Variants in NRG1 observed in about 807,000 individuals in gnomAD.
NRG1 encodes the protein pro-neuregulin-1, membrane-bound isoform.
NRG1 carries 18 observed loss-of-function variants against 63.8 expected under a neutral mutation model. That is an observed-to-expected ratio of 0.28 (90% CI 0.19 to 0.42). The LOEUF (loss-of-function observed/expected upper bound fraction) is 0.42, where lower values mean the gene tolerates loss of function less well. NRG1 is among the 10% of genes least tolerant of loss of function. The pLI, the probability that NRG1 is intolerant of heterozygous loss-of-function variation, is 1.00. For synonymous variants in NRG1, 302 were observed against 301.3 expected (o/e 1.00, Z -0.02); for missense variants, 762 against 814.7 (o/e 0.94, Z 0.79).
chr8:32,316,525 T>C (rs1412873853), intron 1 of NRG1, among the ~76,000 whole-genome samples: 1 of 151,808 alleles, frequency 6.6e-6, no homozygotes, highest in East Asian at 1.9e-4. Flanking sequence ...TGACAGGTGC[T>C]TGTTCCTTGA....
chr8:32,005,868 G>T (rs1400333439), intron 1 of NRG1, among the ~76,000 whole-genome samples: 1 of 151,970 alleles, frequency 6.6e-6, no homozygotes, highest in Non-Finnish European at 1.5e-5. Flanking sequence ...CAATACAATA[G>T]AGGTCACTAA....
chr8:32,171,561 G>A (rs1371459433), intron 1 of NRG1: 1 of 152,442 alleles, frequency 6.6e-6, no homozygotes, highest in Admixed American at 6.5e-5. Flanking sequence ...TGCCTCACCT[G>A]GGAAGTGCAA....
intron 1 of NRG1, among the ~76,000 whole-genome samples, chr8:32,443,471 A>G (rs1819818845): frequency 6.6e-6 from 1 of 152,196 alleles, no homozygotes; most frequent in South Asian, 2.1e-4. Flanking sequence ...AGCAAGGTGA[A>G]CCTGGTTAAG....
rs11304829 is a variant in NRG1, at chr8:31,713,109, A to ATTT, written c.37+73701_37+73703dup. On this transcript the variant is annotated intron_variant, in intron 1 of 10. Coordinates refer to the NRG1 transcript ENST00000519301. ...CCTACTCACTGCCATACTCCTTCTA[A>ATTT]TTTTTTTTTTTTTTTTTTTTTTTTT... Among the ~76,000 whole-genome samples, 24 of 86,076 alleles carry ATTT rather than the reference A, an allele frequency of 2.8e-4. 3 individuals are homozygous for ATTT. The highest frequency in any genetic ancestry group is 9.2e-4 in the South Asian group (2 of 2,180). The allele number at this position is 86,076 out of a possible 152,430, so 56.5% of individuals were successfully genotyped here.
At chr8:32,272,218 G>C (rs917703557) in intron 1 of NRG1, among the ~76,000 whole-genome samples, 3 of 152,154 alleles carry the variant, frequency 2.0e-5, no homozygotes, top group Non-Finnish European at 2.9e-5. Context: ...GAGGGTTCTG[G>C]TGAGAACTTT....
intron 1 of NRG1, among the ~76,000 whole-genome samples, chr8:31,984,265 A>G (rs1347706951): frequency 6.6e-6 from 1 of 152,160 alleles, no homozygotes; most frequent in Non-Finnish European, 1.5e-5. Flanking sequence ...AAATTATTGC[A>G]TGATACAATC....
At chr8:32,129,422 A>C (rs1332684866) in intron 1 of NRG1, among the ~76,000 whole-genome samples, 1 of 151,782 alleles carries the variant, frequency 6.6e-6, no homozygotes, top group Non-Finnish European at 1.5e-5. Context: ...ACATCACTCT[A>C]ATCTCTGCCT....
At chr8:32,369,229 G>T (rs573751039) in intron 1 of NRG1, among the ~76,000 whole-genome samples, 1 of 152,218 alleles carries the variant, frequency 6.6e-6, no homozygotes, top group Non-Finnish European at 1.5e-5. Flanking sequence ...GAGGAGCCAC[G>T]TTCTCTCTCC....
At chr8:31,994,788 C>A (rs1207391152) in intron 1 of NRG1, among the ~76,000 whole-genome samples, 1 of 150,268 alleles carries the variant, frequency 6.7e-6, no homozygotes, top group Non-Finnish European at 1.5e-5. Context: ...AGTCATCTCA[C>A]AATTCTTTTG....
chr8:32,367,348 A>G (rs1448188096), intron 1 of NRG1, among the ~76,000 whole-genome samples: 1 of 151,774 alleles, frequency 6.6e-6, no homozygotes, highest in African/African-American at 2.4e-5. Flanking sequence ...TACTGAGGGA[A>G]AGAGGGTATC....
intron 1 of NRG1, among the ~76,000 whole-genome samples, chr8:32,245,566 C>A (rs1848519793): frequency 6.6e-6 from 1 of 152,154 alleles, no homozygotes. Flanking sequence ...TGTCTACAAT[C>A]TGATAAACAG....
At chr8:32,711,223 GT>G (rs796371397) in intron 5 of NRG1, among the ~76,000 whole-genome samples, 2,026 of 135,692 alleles carry the variant, frequency 0.015, 31 homozygotes, top group African/African-American at 0.047. Flanking sequence ...TTCAGCCTCA[GT>G]TTTTTTTTTT....
chr8:32,085,456 A>ATC (rs1828072950), intron 1 of NRG1, among the ~76,000 whole-genome samples: 3 of 152,222 alleles, frequency 2.0e-5, no homozygotes, highest in Non-Finnish European at 4.4e-5. Context: ...GCAATGCTAG[A>ATC]AATTTAGGAG....
At chr8:31,878,086 G>A (rs1449023488) in intron 1 of NRG1, among the ~76,000 whole-genome samples, 1 of 152,166 alleles carries the variant, frequency 6.6e-6, no homozygotes, top group African/African-American at 2.4e-5. Context: ...AATAGTGTTT[G>A]TGGCATTTAA....
intron 1 of NRG1, among the ~76,000 whole-genome samples, chr8:32,384,855 C>T (rs559639662): frequency 6.6e-6 from 1 of 152,280 alleles, no homozygotes; most frequent in East Asian, 1.9e-4. Context: ...ATTTTAGCAG[C>T]GTTTTTATAA....
chr8:31,717,664 G>T (rs1812494496), intron 1 of NRG1, among the ~76,000 whole-genome samples: 1 of 151,972 alleles, frequency 6.6e-6, no homozygotes, highest in African/African-American at 2.4e-5. Context: ...TATATTTACT[G>T]TCCTAAAATA....
chr8:32,239,305 T>C (rs1847877930), intron 1 of NRG1, among the ~76,000 whole-genome samples: 1 of 150,380 alleles, frequency 6.6e-6, no homozygotes, highest in African/African-American at 2.5e-5. Flanking sequence ...ACTGGAGCAA[T>C]TGGATATCCA....
At chr8:31,731,472 T>C (rs1468859310) in intron 1 of NRG1, among the ~76,000 whole-genome samples, 2 of 151,578 alleles carry the variant, frequency 1.3e-5, no homozygotes, top group Non-Finnish European at 2.9e-5. Flanking sequence ...AATATATGTA[T>C]GATATGTATT....
intron 1 of NRG1, among the ~76,000 whole-genome samples, chr8:31,905,292 T>C (rs750524505): frequency 2.3e-4 from 35 of 152,148 alleles, no homozygotes; most frequent in Non-Finnish European, 2.8e-4. Context: ...AACCAAATAA[T>C]TTCTCAGGTG....
Sources: allele counts gnomAD v4.1 joint callset (sites outside exome capture counted in the v4.1 genomes callset), GRCh38; gene constraint gnomAD v4.1.1; transcripts MANE v1.5; gene names NCBI Gene and HGNC (gene_info 2026-07-23, HGNC 2026-07-21).